Variants in TGFBR1 observed in about 807,000 individuals in gnomAD.
TGFBR1 encodes the protein transforming growth factor beta receptor 1, also known as TGF-beta receptor type-1.
A neutral mutation model predicts 55.1 loss-of-function variants in TGFBR1; 20 were observed. That is an observed-to-expected ratio of 0.36 (90% CI 0.26 to 0.53). The LOEUF is 0.53. Among genes scored for constraint, TGFBR1 ranks in the 20% least tolerant of loss-of-function variants. The pLI, the probability that TGFBR1 is intolerant of heterozygous loss-of-function variation, is 0.91. For missense variants in TGFBR1, 385 were observed against 617.6 expected, an observed-to-expected ratio of 0.62 and a Z score of 3.99; for synonymous variants, 220 against 214.8, an observed-to-expected ratio of 1.02 and a Z score of -0.21.
intron 1 of TGFBR1, among the ~76,000 whole-genome samples, chr9:99,112,424 C>T (rs1246080284): frequency 6.6e-6 from 1 of 152,332 alleles, no homozygotes; most frequent in East Asian, 1.9e-4. Flanking sequence ...CATCATCCTA[C>T]AGTGCTTTCC....
At position 99,142,612 on chromosome 9, in the gene TGFBR1, A is replaced by G. The variant is rs1194380565; in HGVS notation, c.882A>G (p.Arg294=). ...EHGSLFDYLN[R]YTVTVEGMIK... ...GATCCCTTTTTGATTACTTAAACAG[A>G]TACACAGTTACTGTGGAAGGAATGA... is the stretch of plus-strand genomic sequence containing the variant. The change falls in exon 5 of 9, where the codon AGA becomes AGG. Residue 294 remains arginine (R), a synonymous_variant. Transcript: ENST00000374994. The G allele has an allele frequency of 6.2e-7, 1 of 1,614,062 alleles. No individual in the cohort carries two copies. Among genetic ancestry groups the G allele is most frequent in the South Asian group, 1.1e-5 (1 of 91,078 alleles).
At chr9:99,144,041 G>A (rs1489300431) in intron 5 of TGFBR1, among the ~76,000 whole-genome samples, 2 of 152,146 alleles carry the variant, frequency 1.3e-5, no homozygotes, top group Admixed American at 1.3e-4. Flanking sequence ...TCATATATCC[G>A]TTCGTTGATG....
intron 1 of TGFBR1, 97 bp from the exon 2 acceptor site, chr9:99,128,758 T>G (rs1827117963): frequency 6.7e-7 from 1 of 1,497,588 alleles, no homozygotes; most frequent in Non-Finnish European, 9.2e-7. Flanking sequence ...AGAAATTGTG[T>G]GATAATAGGA....
intron 1 of TGFBR1, among the ~76,000 whole-genome samples, chr9:99,127,225 C>T (rs1489381532): frequency 6.6e-6 from 1 of 152,160 alleles, no homozygotes; most frequent in Non-Finnish European, 1.5e-5. Context: ...GCATAGATGG[C>T]CTTAATTCTC....
chr9:99,141,658 G>A lies in TGFBR1; in HGVS notation c.806-878G>A, dbSNP rs10819640. Among the ~76,000 whole-genome samples the A allele has an allele frequency of 0.032, 4,906 of 152,250 alleles. 608 individuals carry two copies. In the East Asian group the frequency reaches 0.42, roughly 13 times the overall value. ...CTAAGCGTCCATCTTTTACTGGATT[G>A]TGCTGTCTCCTAATGTTGTAATGCT... On this transcript the variant is annotated intron_variant, in intron 4 of 8. Transcript: ENST00000374994.
rs190374436 is a variant in TGFBR1 at position 99,110,470 on chromosome 9, C to G, written c.97+5168C>G. On this transcript the variant is annotated intron_variant, in intron 1 of 8. Coordinates refer to ENST00000374994, the MANE Select transcript of TGFBR1 (RefSeq NM_004612.4). ...TTATTTGCTGCTTAATTTCCAAACTCTTAAGCCCATTTGTTCCCAGATACA... is the reference window on the plus strand; with the variant it reads ...TTATTTGCTGCTTAATTTCCAAACTGTTAAGCCCATTTGTTCCCAGATACA... Among the ~76,000 whole-genome samples, 6 of 152,202 alleles carry G rather than the reference C, an allele frequency of 3.9e-5. No homozygotes were observed. The East Asian group carries it at 5.8e-4, about 15-fold the overall frequency.
At chr9:99,112,346 T>G (rs564270756) in intron 1 of TGFBR1, among the ~76,000 whole-genome samples, 1 of 152,148 alleles carries the variant, frequency 6.6e-6, no homozygotes, top group Non-Finnish European at 1.5e-5. Flanking sequence ...CCTCACCTCC[T>G]GCAAGTCTTT....
At chr9:99,116,100 G>A (rs942144912) in intron 1 of TGFBR1, among the ~76,000 whole-genome samples, 6 of 150,606 alleles carry the variant, frequency 4.0e-5, no homozygotes, top group African/African-American at 1.5e-4. Context: ...TTATTTCGAT[G>A]CATGTATAAA....
chr9:99,122,704 A>AT (rs1201319420), intron 1 of TGFBR1, among the ~76,000 whole-genome samples: 2 of 152,160 alleles, frequency 1.3e-5, no homozygotes, highest in Non-Finnish European at 2.9e-5. Context: ...TAGTAATTGT[A>AT]TTTCCTGGCA....
At chr9:99,129,145 C>G (rs747400997) in intron 2 of TGFBR1, 45 bp downstream of exon 2, 1 of 1,595,274 alleles carries the variant, frequency 6.3e-7, no homozygotes, top group African/African-American at 1.3e-5. Context: ...AAGAAAAACT[C>G]TTCATACTCT....
intron 3 of TGFBR1, among the ~76,000 whole-genome samples, chr9:99,133,159 G>A (rs1827300301): frequency 6.6e-6 from 1 of 152,154 alleles, no homozygotes; most frequent in South Asian, 2.1e-4. Flanking sequence ...TTGAAAACAG[G>A]CATGACAGAA....
chr9:99,122,336 T>C (rs1826919658), intron 1 of TGFBR1, among the ~76,000 whole-genome samples: 1 of 152,166 alleles, frequency 6.6e-6, no homozygotes, highest in African/African-American at 2.4e-5. Flanking sequence ...ATATTAATAC[T>C]ATACACAACT....
intron 8 of TGFBR1, among the ~76,000 whole-genome samples, chr9:99,148,617 G>C (rs910432392): frequency 1.1e-4 from 17 of 152,078 alleles, no homozygotes; most frequent in Non-Finnish European, 2.5e-4. Context: ...ACATCTCCAG[G>C]CCCAAATAAA....
chr9:99,129,915 A>C (rs1244200573), intron 2 of TGFBR1, among the ~76,000 whole-genome samples: 1 of 152,000 alleles, frequency 6.6e-6, no homozygotes, highest in African/African-American at 2.4e-5. Flanking sequence ...AAAGATAATA[A>C]ATAAATAAAT....
rs202133538 is a variant in TGFBR1, at chr9:99,149,778, G to A, written c.*473G>A. The A allele has an allele frequency of 4.3e-6, 1 of 232,962 alleles. No individual in the cohort carries two copies. Among genetic ancestry groups the A allele is most frequent in the Non-Finnish European group, 8.6e-6 (1 of 116,942 alleles). The allele number at this position is 232,962 out of a possible 1,614,324, so 14.4% of individuals were successfully genotyped here. ...CAGACTTTGAATGTACTGTTCTATAGTTTTTCAGGATCTTAAAACTAACAC... is the reference window on the plus strand; with the variant it reads ...CAGACTTTGAATGTACTGTTCTATAATTTTTCAGGATCTTAAAACTAACAC... On this transcript the variant is annotated 3_prime_UTR_variant, in exon 9 of 9. Transcript: ENST00000374994.
intron 1 of TGFBR1, among the ~76,000 whole-genome samples, chr9:99,124,397 G>A (rs371167764): frequency 6.6e-5 from 10 of 152,264 alleles, no homozygotes; most frequent in African/African-American, 2.4e-4. Flanking sequence ...TCAAGGTGAT[G>A]TGTTGCAGAG....
chr9:99,113,745 A>G lies in TGFBR1; in HGVS notation c.97+8443A>G, dbSNP rs990214422. On this transcript the variant is annotated intron_variant, in intron 1 of 8. Coordinates refer to ENST00000374994, the MANE Select transcript of TGFBR1 (RefSeq NM_004612.4). ...GAATGTCTTCTGAAAGAAGAAATAC[A>G]TGTCTGTGTAATGAAGAACTAGAAT... 3.3e-5 allele frequency among the ~76,000 whole-genome samples: 5 copies of G among 152,364 alleles called. No individual in the cohort carries two copies. The South Asian group carries it at 8.3e-4, about 25-fold the overall frequency.
intron 7 of TGFBR1, 126 bp downstream of exon 7, chr9:99,146,735 AG>A: frequency 6.9e-7 from 1 of 1,459,300 alleles, no homozygotes; most frequent in African/African-American, 1.4e-5. Flanking sequence ...ACCGAGTGCC[AG>A]AGAAAACAAA....
chr9:99,136,282 A>C (rs2118686337), intron 3 of TGFBR1, among the ~76,000 whole-genome samples: 1 of 152,306 alleles, frequency 6.6e-6, no homozygotes, highest in East Asian at 1.9e-4. Context: ...GGGAAGACAA[A>C]ACCTTTCCTC....
Sources: allele counts gnomAD v4.1 joint callset (sites outside exome capture counted in the v4.1 genomes callset), GRCh38; gene constraint gnomAD v4.1.1; transcripts MANE v1.5; gene names NCBI Gene and HGNC (gene_info 2026-07-23, HGNC 2026-07-21).